The following KIAA1755 variants were observed in gnomAD, a reference collection of about 807,000 sequenced individuals.
KIAA1755 encodes KIAA1755.
Under a neutral mutation model 91.7 loss-of-function variants are expected in KIAA1755, and 68 were observed. That is an observed-to-expected ratio of 0.74 (90% confidence interval 0.61 to 0.91). The LOEUF is 0.91. Among genes scored for constraint, KIAA1755 ranks in the 40% least tolerant of loss-of-function variants. The pLI is 0.00. For synonymous variants in KIAA1755, 610 were observed against 604.6 expected, an observed-to-expected ratio of 1.01 and a Z score of -0.13; for missense variants, 1,535 against 1,494.4, an observed-to-expected ratio of 1.03 and a Z score of -0.45.
At chr20:38,231,737 A>G (rs1205420) in intron 4 of KIAA1755, among the ~76,000 whole-genome samples, 45,400 of 152,076 alleles carry the variant, frequency 0.3, 6,836 homozygotes, top group Middle Eastern at 0.37. Flanking sequence ...AGGTTATTTC[A>G]AGGATGAAAT....
chr20:38,230,444 C>T (rs896763896), intron 5 of KIAA1755, among the ~76,000 whole-genome samples: 3 of 152,212 alleles, frequency 2.0e-5, no homozygotes, highest in Middle Eastern at 3.2e-3. Flanking sequence ...AAAGTGTAGT[C>T]CCAGGCCCAG....
Position 38,217,280 on chromosome 20 carries a change from C to A in KIAA1755, c.2874G>T (p.Leu958=), listed in dbSNP as rs746192995. ...TCTTGCAGAAGCGGTGCAGGTGGAG[C>A]AGCGTCTCGAGGTCCGTGCGTTGCC... is the stretch of plus-strand genomic sequence containing the variant. ...AERQRTDLET[L]LHLHRFCKRM... Residue 958 remains leucine, a synonymous_variant, in exon 13 of 14, where the codon CTG becomes CTT. Transcript: ENST00000279024. The A allele has an allele frequency of 1.8e-5, 29 of 1,604,944 alleles. 1 individual carries two copies. Among genetic ancestry groups the A allele is most frequent in the South Asian group, 1.7e-4 (15 of 89,106 alleles).
At chr20:38,224,604 A>G (rs1398189946) in intron 8 of KIAA1755, among the ~76,000 whole-genome samples, 2 of 152,108 alleles carry the variant, frequency 1.3e-5, no homozygotes, top group African/African-American at 2.4e-5. Flanking sequence ...GTGGGGTGCA[A>G]ACAGTGGGTA....
In KIAA1755 at chr20:38,222,586, C is replaced by T. The variant is rs35524973; in HGVS notation, c.2280G>A (p.Arg760=). ...TCAGCTCCTTGGACTTGCTCAGGCA[C>T]CTGGTAGCCTCCTGCCAGCGTAGGG... ...DPPGGMQEAT[R]CLSKSKELME... Residue 760 remains arginine, a synonymous_variant, in exon 10 of 14, where the codon AGG becomes AGA. Coordinates refer to ENST00000279024, the MANE Select transcript of KIAA1755 (RefSeq NM_001029864.2). 30,267 of 1,612,408 alleles carry T rather than the reference C, an allele frequency of 0.019. 458 individuals are homozygous for T. Among genetic ancestry groups the T allele is most frequent in the African/African-American group, 0.058 (4,354 of 75,032 alleles).
At chr20:38,220,230 A>T (rs1275929225) in intron 10 of KIAA1755, among the ~76,000 whole-genome samples, 1 of 152,014 alleles carries the variant, frequency 6.6e-6, no homozygotes, top group African/African-American at 2.4e-5. Flanking sequence ...AGCTTTAACA[A>T]ATCTTAGTGC....
intron 4 of KIAA1755, among the ~76,000 whole-genome samples, chr20:38,234,390 G>A (rs1014934515): frequency 2.2e-4 from 34 of 152,174 alleles, no homozygotes; most frequent in African/African-American, 8.2e-4. Context: ...CAAAGCAAAT[G>A]TAGGCCTCTG....
intron 1 of KIAA1755, among the ~76,000 whole-genome samples, chr20:38,250,487 G>GGTGTGT (rs370369766): frequency 3.5e-5 from 5 of 142,542 alleles, no homozygotes; most frequent in South Asian, 4.5e-4. Flanking sequence ...TTATTATTAT[G>GGTGTGT]GTGTGTGTGT....
Position 38,219,622 on chromosome 20 carries a change from C to A in KIAA1755, c.2556+8G>T, listed in dbSNP as rs2075619446. Reference sequence around the variant, plus strand: ...ACCCCCACACCCCAAGCCAGACACCCCTTTCACCTGGTGAATGGCAGCTTC... The same window carrying A: ...ACCCCCACACCCCAAGCCAGACACCACTTTCACCTGGTGAATGGCAGCTTC... On this transcript the variant is annotated splice_region_variant and intron_variant, in intron 11 of 13. Transcript: ENST00000279024. The A allele has an allele frequency of 6.2e-7, 1 of 1,613,824 alleles. No individual in the cohort carries two copies. Among genetic ancestry groups the A allele is most frequent in the Admixed American group, 1.7e-5 (1 of 60,004 alleles).
chr20:38,244,324 C>T (rs970950437), intron 2 of KIAA1755, among the ~76,000 whole-genome samples: 3 of 152,176 alleles, frequency 2.0e-5, no homozygotes, highest in Non-Finnish European at 4.4e-5. Context: ...TACTAGTTCC[C>T]ATGTATTGAG....
intron 11 of KIAA1755, among the ~76,000 whole-genome samples, chr20:38,218,954 C>G (rs1184922942): frequency 1.3e-5 from 2 of 152,152 alleles, no homozygotes; most frequent in East Asian, 3.8e-4. Context: ...GTGGAAGTTC[C>G]TTTCTTATTC....
At chr20:38,237,059 T>G (rs1284579533) in intron 4 of KIAA1755, 2 of 151,830 alleles carry the variant, frequency 1.3e-5, no homozygotes, top group African/African-American at 4.8e-5. Flanking sequence ...ACTAGAATGC[T>G]GAGCCTGTGG....
intron 1 of KIAA1755, among the ~76,000 whole-genome samples, chr20:38,259,668 C>T (rs1215403241): frequency 6.6e-6 from 1 of 151,794 alleles, no homozygotes; most frequent in Non-Finnish European, 1.5e-5. Flanking sequence ...GGCCTGTCTT[C>T]ACAGCTTTTT....
At chr20:38,228,288 A>G (rs2075797231) in intron 5 of KIAA1755, 48 bp from the exon 6 acceptor site, 2 of 1,469,118 alleles carry the variant, frequency 1.4e-6, no homozygotes, top group Non-Finnish European at 1.8e-6. Flanking sequence ...GGCCTCGGAC[A>G]GGGGGCAGGA....
At position 38,228,240 on chromosome 20, in the gene KIAA1755, C is replaced by A. The variant is rs1600594729; in HGVS notation, c.1872G>T (p.Arg624Ser). 1 of 1,594,908 alleles carries A rather than the reference C, an allele frequency of 6.3e-7. No homozygotes were observed. Among genetic ancestry groups the A allele is most frequent in the African/African-American group, 1.3e-5 (1 of 74,482 alleles). ...CCAGCCCCTTGGCTTTATCTTCAGG[C>A]CTGTGGGTGGTAAACAGAATTGACA... ...KLLSYLCTIP[R>S]PEDKAKGLAV... The change falls in exon 6 of 14, where the codon AGG becomes AGT. Residue 624 changes from arginine (R) to serine (S), a missense_variant and splice_region_variant. By Grantham distance (110) the Arg-to-Ser change is moderately radical (BLOSUM62 -1). Coordinates refer to ENST00000279024, the MANE Select transcript of KIAA1755 (RefSeq NM_001029864.2).
chr20:38,241,591 C>T lies in KIAA1755; in HGVS notation c.540G>A (p.Lys180=), dbSNP rs1470619358. 6.2e-7 allele frequency: 1 copy of T among 1,614,238 alleles called. No individual in the cohort carries two copies. Among genetic ancestry groups the T allele is most frequent in the South Asian group, 1.1e-5 (1 of 91,086 alleles). The change falls in exon 3 of 14, where the codon AAG becomes AAA. Residue 180 remains lysine (K), a synonymous_variant. Transcript: ENST00000279024. ...ENGIAPVPWT[K]ITSPEFVDDR... The stretch of plus-strand genomic sequence containing the variant: ...CATCCACAAACTCTGGGCTGGTTAT[C>T]TTGGTCCAAGGCACAGGGGCAATCC...
rs558913995 is a variant in KIAA1755 at position 38,260,630 on chromosome 20, C to G, written c.-130G>C. On this transcript the variant is annotated 5_prime_UTR_variant, in exon 1 of 14. Transcript: ENST00000279024. ...CTGGAGCCAGGGGATAGGGCAGGCCCGGGGCACCGACCCCGGCGTCATCTC... is the reference window on the plus strand; with the variant it reads ...CTGGAGCCAGGGGATAGGGCAGGCCGGGGGCACCGACCCCGGCGTCATCTC... 20 of 1,134,552 alleles carry G rather than the reference C, an allele frequency of 1.8e-5. No homozygotes were observed. The East Asian group carries it at 5.1e-4, about 29-fold the overall frequency. 70.3% of individuals were successfully genotyped at this position (1,134,552 alleles called of 1,614,324 possible).
chr20:38,212,681 T>G lies in KIAA1755; in HGVS notation c.*361A>C. 2 of 190,520 alleles carry G rather than the reference T, an allele frequency of 1.0e-5. No homozygotes were observed. The highest frequency in any genetic ancestry group is 2.2e-5 in the Non-Finnish European group (2 of 91,354). The allele number at this position is 190,520 out of a possible 1,614,324, so 11.8% of individuals were successfully genotyped here. ...GCCCTCGTACCCGAGGGGAGAGCTGTGTATGTTCCTGAGCTGCAGGTGGGT... is the reference window on the plus strand; with the variant it reads ...GCCCTCGTACCCGAGGGGAGAGCTGGGTATGTTCCTGAGCTGCAGGTGGGT... On this transcript the variant is annotated 3_prime_UTR_variant, in exon 14 of 14. Transcript: ENST00000279024.
intron 1 of KIAA1755, among the ~76,000 whole-genome samples, chr20:38,249,795 C>G (rs575857253): frequency 6.6e-6 from 1 of 150,966 alleles, no homozygotes; most frequent in Non-Finnish European, 1.5e-5. Flanking sequence ...CTCTTCTAAT[C>G]CCCCCCCAAC....
Position 38,240,996 on chromosome 20 carries a change from C to G in KIAA1755, c.1135G>C (p.Asp379His). The G allele has an allele frequency of 3.1e-6, 5 of 1,614,188 alleles. No individual in the cohort carries two copies. The highest frequency in any genetic ancestry group is 4.2e-6 in the Non-Finnish European group (5 of 1,180,048). The change falls in exon 3 of 14, where the codon GAC (aspartate) becomes CAC (histidine). Residue 379 changes from aspartate (D) to histidine (H), a missense_variant. Transcript: ENST00000279024. ...PQGSYMNVLE[D>H]ALDCASGLRA... is the part of the protein sequence containing the mutation. The stretch of plus-strand genomic sequence containing the variant: ...AGACCAGAGGCACAGTCCAGTGCGT[C>G]CTCAAGGACATTCATGTAGGAGCCT...
Sources: allele counts gnomAD v4.1 joint callset (sites outside exome capture counted in the v4.1 genomes callset), GRCh38; gene constraint gnomAD v4.1.1; transcripts MANE v1.5; gene names NCBI Gene and HGNC (gene_info 2026-07-23, HGNC 2026-07-21).